Variants in ITGBL1 observed in about 807,000 individuals in gnomAD.
ITGBL1 encodes integrin beta-like protein 1.
Under a neutral mutation model 68.5 loss-of-function variants are expected in ITGBL1, and 51 were observed. The ratio of observed to expected loss-of-function variants is 0.74; its 90% confidence interval spans 0.59 to 0.94. The LOEUF (loss-of-function observed/expected upper bound fraction) is 0.94, where lower values mean the gene tolerates loss of function less well. Among genes scored for constraint, ITGBL1 ranks in the 40% least tolerant of loss-of-function variants. The probability of loss-of-function intolerance (pLI) is 0.00; values close to 1 mark genes in which losing one functional copy is unlikely to be tolerated. For missense variants in ITGBL1, 649 were observed against 647.4 expected (o/e 1.00, Z -0.03); for synonymous variants, 209 against 227.3 (o/e 0.92, Z 0.72).
intron 3 of ITGBL1, among the ~76,000 whole-genome samples, chr13:101,569,841 T>A (rs2050244721): frequency 6.6e-6 from 1 of 152,146 alleles, no homozygotes; most frequent in Admixed American, 6.6e-5. Flanking sequence ...GTGATGTCAG[T>A]TTTGATGAGC....
chr13:101,669,050 C>T (rs1204387542), intron 7 of ITGBL1, among the ~76,000 whole-genome samples: 1 of 151,654 alleles, frequency 6.6e-6, no homozygotes, highest in African/African-American at 2.4e-5. Context: ...AGAGTTAAAC[C>T]TTTTAATTAA....
At position 101,686,349 on chromosome 13, in the gene ITGBL1, G is replaced by C. The variant is rs189273252; in HGVS notation, c.1016-6236G>C. On this transcript the variant is annotated intron_variant, in intron 7 of 10. Coordinates refer to ENST00000376180, the MANE Select transcript of ITGBL1 (RefSeq NM_004791.3). ...AACCATATAAAGAGAAAAAAATAATGTGATGTATTTTTCATGGATTATGCT... is the reference window on the plus strand; with the variant it reads ...AACCATATAAAGAGAAAAAAATAATCTGATGTATTTTTCATGGATTATGCT... Among the ~76,000 whole-genome samples, 1,315 of 152,170 alleles carry C rather than the reference G, an allele frequency of 8.6e-3. 28 individuals are homozygous for C. Among genetic ancestry groups the C allele is most frequent in the East Asian group, 0.052 (267 of 5,174 alleles).
chr13:101,656,634 A>G (rs1477657657), intron 7 of ITGBL1, among the ~76,000 whole-genome samples: 1 of 152,180 alleles, frequency 6.6e-6, no homozygotes, highest in Non-Finnish European at 1.5e-5. Context: ...ATAAAAAAGT[A>G]AGGATCACCC....
intron 7 of ITGBL1, among the ~76,000 whole-genome samples, chr13:101,622,350 A>G (rs1455127486): frequency 6.6e-6 from 1 of 152,094 alleles, no homozygotes; most frequent in Non-Finnish European, 1.5e-5. Context: ...TATAAATTTA[A>G]TCATTCCTAT....
At chr13:101,630,908 A>T (rs1566765929) in intron 7 of ITGBL1, among the ~76,000 whole-genome samples, 1 of 152,194 alleles carries the variant, frequency 6.6e-6, no homozygotes, top group Non-Finnish European at 1.5e-5. Context: ...AAAGATAAAG[A>T]CTTCTTTTAG....
intron 7 of ITGBL1, among the ~76,000 whole-genome samples, chr13:101,650,103 T>C (rs1594954067): frequency 6.6e-6 from 1 of 152,316 alleles, no homozygotes; most frequent in East Asian, 1.9e-4. Flanking sequence ...ATTGTCCTCT[T>C]AATGCTCATG....
chr13:101,491,571 A>G (rs1179902804), intron 2 of ITGBL1, among the ~76,000 whole-genome samples: 1 of 152,026 alleles, frequency 6.6e-6, no homozygotes, highest in Admixed American at 6.5e-5. Flanking sequence ...TTTTAAGTGG[A>G]TTTGTAAGAT....
intron 2 of ITGBL1, among the ~76,000 whole-genome samples, chr13:101,490,458 G>A (rs2048760581): frequency 1.3e-5 from 2 of 152,196 alleles, no homozygotes. Flanking sequence ...AAGGAATAAA[G>A]AACAGTCTAA....
chr13:101,464,828 T>A (rs1444045424), intron 2 of ITGBL1, among the ~76,000 whole-genome samples: 1 of 152,184 alleles, frequency 6.6e-6, no homozygotes, highest in Non-Finnish European at 1.5e-5. Context: ...GGGACATACA[T>A]GCGTAAGCCC....
chr13:101,667,195 A>G (rs2033241349), intron 7 of ITGBL1, among the ~76,000 whole-genome samples: 1 of 152,194 alleles, frequency 6.6e-6, no homozygotes, highest in Non-Finnish European at 1.5e-5. Context: ...ATGTATGGCC[A>G]TTATGGAGAT....
intron 2 of ITGBL1, among the ~76,000 whole-genome samples, chr13:101,545,311 C>G (rs768845905): frequency 6.6e-6 from 1 of 152,040 alleles, no homozygotes; most frequent in Non-Finnish European, 1.5e-5. Context: ...AATGTTGTCA[C>G]AAGAAGAATA....
At chr13:101,688,382 G>A (rs1305243139) in intron 7 of ITGBL1, among the ~76,000 whole-genome samples, 2 of 152,026 alleles carry the variant, frequency 1.3e-5, no homozygotes, top group East Asian at 3.8e-4. Flanking sequence ...ATTAGATTTG[G>A]GCTGGCTATA....
chr13:101,682,092 A>G (rs760024558), intron 7 of ITGBL1, among the ~76,000 whole-genome samples: 2 of 152,204 alleles, frequency 1.3e-5, no homozygotes, highest in African/African-American at 2.4e-5. Context: ...GACAGACAAT[A>G]GTTAAATAAA....
chr13:101,508,493 T>A (rs1327638514), intron 2 of ITGBL1, among the ~76,000 whole-genome samples: 1 of 152,200 alleles, frequency 6.6e-6, no homozygotes, highest in East Asian at 1.9e-4. Flanking sequence ...CTATTTACTT[T>A]CCTGCCAGCA....
chr13:101,538,083 T>C (rs981682835), intron 2 of ITGBL1, among the ~76,000 whole-genome samples: 4 of 152,110 alleles, frequency 2.6e-5, no homozygotes, highest in African/African-American at 4.8e-5. Context: ...ATTTGAAGGA[T>C]AATTATAATT....
Position 101,498,639 on chromosome 13 carries a change from T to G in ITGBL1, c.316+44539T>G, listed in dbSNP as rs577473047. Among the ~76,000 whole-genome samples, 16 of 152,320 alleles carry G rather than the reference T, an allele frequency of 1.1e-4. No homozygotes were observed. In the East Asian group the frequency reaches 3.1e-3, roughly 29 times the overall value. ...GCATTCAGTTTAAAAAATATACAGATGACCTAAATAATTTGTTCAGTTGTA... is the reference window on the plus strand; with the variant it reads ...GCATTCAGTTTAAAAAATATACAGAGGACCTAAATAATTTGTTCAGTTGTA... On this transcript the variant is annotated intron_variant, in intron 2 of 10. Transcript: ENST00000376180.
intron 8 of ITGBL1, among the ~76,000 whole-genome samples, chr13:101,703,908 T>C (rs941478576): frequency 6.6e-6 from 1 of 152,166 alleles, no homozygotes; most frequent in African/African-American, 2.4e-5. Flanking sequence ...CCAGATTCTC[T>C]TATCTGGTGA....
At chr13:101,719,121 A>G (rs2072501242), downstream of ITGBL1, 1 of 152,150 alleles carries the variant, frequency 6.6e-6, no homozygotes, top group Admixed American at 6.6e-5. Flanking sequence ...TATGTATCAA[A>G]TATTAATGAT....
At chr13:101,465,325 C>G (rs973207751) in intron 2 of ITGBL1, among the ~76,000 whole-genome samples, 1 of 152,016 alleles carries the variant, frequency 6.6e-6, no homozygotes, top group Non-Finnish European at 1.5e-5. Flanking sequence ...GGGTTGGAGA[C>G]AAAAATCACT....
Sources: allele counts gnomAD v4.1 joint callset (sites outside exome capture counted in the v4.1 genomes callset), GRCh38; gene constraint gnomAD v4.1.1; transcripts MANE v1.5; gene names NCBI Gene and HGNC (gene_info 2026-07-23, HGNC 2026-07-21).